ABTB2: variants seen among roughly 807,000 people sequenced by gnomAD.
ABTB2 encodes ankyrin repeat and BTB/POZ domain-containing protein 2.
ABTB2 carries 56 observed loss-of-function variants against 104.1 expected under a neutral mutation model. The observed-to-expected ratio is 0.54, with a 90% CI of 0.43 to 0.67. The LOEUF (loss-of-function observed/expected upper bound fraction) is 0.67, where lower values mean the gene tolerates loss of function less well. Ranked by LOEUF, ABTB2 falls within the 30% of genes least tolerant of loss-of-function variation. The pLI, the probability that ABTB2 is intolerant of heterozygous loss-of-function variation, is 0.00. For missense variants in ABTB2, 1,279 were observed against 1,407.7 expected, an observed-to-expected ratio of 0.91 and a Z score of 1.46; for synonymous variants, 606 against 608.2, an observed-to-expected ratio of 1.00 and a Z score of 0.05.
intron 1 of ABTB2, among the ~76,000 whole-genome samples, chr11:34,209,351 A>C (rs899593082): frequency 5.3e-5 from 8 of 149,862 alleles, no homozygotes; most frequent in East Asian, 2.0e-4. Context: ...CCAAAAAAAA[A>C]CTTTTTTTTT....
At chr11:34,190,329 C>T (rs1038533249) in intron 3 of ABTB2, among the ~76,000 whole-genome samples, 2 of 151,770 alleles carry the variant, frequency 1.3e-5, no homozygotes, top group Non-Finnish European at 2.9e-5. Context: ...CTGAGGCCAC[C>T]CAGCTCGTGA....
At chr11:34,212,267 G>A (rs1472265089) in intron 1 of ABTB2, among the ~76,000 whole-genome samples, 1 of 152,096 alleles carries the variant, frequency 6.6e-6, no homozygotes, top group Non-Finnish European at 1.5e-5. Flanking sequence ...ATGTTGGCCA[G>A]GCTAGCCTCG....
intron 1 of ABTB2, among the ~76,000 whole-genome samples, chr11:34,225,755 CA>C (rs1224220738): frequency 6.6e-6 from 1 of 151,448 alleles, no homozygotes; most frequent in Admixed American, 6.6e-5. Flanking sequence ...AACTCCACCT[CA>C]AAAATAAATA....
At chr11:34,168,122 AGGCTCTGTGCTTCCTGGGCTGCT>A in intron 5 of ABTB2, 130 bp from the exon 6 acceptor site, 1 of 908,910 alleles carries the variant, frequency 1.1e-6, no homozygotes, top group Non-Finnish European at 1.7e-6. Flanking sequence ...GTGGTCCCCC[AGGCTCTGTGCTTCCTGGGCTGCT>A]GGGCACAGGG....
intron 1 of ABTB2, among the ~76,000 whole-genome samples, chr11:34,340,239 G>A (rs72916710): frequency 0.092 from 14,027 of 152,078 alleles, 838 homozygotes; most frequent in Non-Finnish European, 0.13. Context: ...GAGAAAATGC[G>A]AACAATACGT....
chr11:34,294,330 A>G (rs1488317798), intron 1 of ABTB2, among the ~76,000 whole-genome samples: 1 of 152,142 alleles, frequency 6.6e-6, no homozygotes, highest in East Asian at 1.9e-4. Context: ...GACGCTGTCA[A>G]AAAGAAAAGA....
At position 34,356,649 on chromosome 11, in the gene ABTB2, G is replaced by C. The variant is rs1360873233; in HGVS notation, c.883+52C>G. On this transcript the variant is annotated intron_variant, in intron 1 of 16. Transcript: ENST00000435224. This position sits in a 1 kb window ranked among gnomAD's most constrained non-coding sequence, Gnocchi z 4.6. ...GGAAATTCACTCCCCCAGTAGCCCA[G>C]GGCGGGATTTCTTGCCTACCCAGTC... 2.0e-6 allele frequency: 3 copies of C among 1,491,390 alleles called. No homozygotes were observed. Among genetic ancestry groups the C allele is most frequent in the Admixed American group, 2.2e-5 (1 of 45,196 alleles). 92.4% of individuals were successfully genotyped at this position (1,491,390 alleles called of 1,614,324 possible).
intron 1 of ABTB2, chr11:34,335,006 C>T (rs1855176930): frequency 1.8e-6 from 1 of 552,418 alleles, no homozygotes; most frequent in Non-Finnish European, 3.2e-6. Flanking sequence ...TTCATAAATG[C>T]TGAAATAAAT....
chr11:34,270,209 C>T (rs573497093), intron 1 of ABTB2, among the ~76,000 whole-genome samples: 19 of 152,268 alleles, frequency 1.2e-4, no homozygotes, highest in South Asian at 8.3e-4. Context: ...CCTAGCTCCC[C>T]GACCAAGAGG....
rs10529537 is a variant in ABTB2, at chr11:34,214,139, A to AACACACACACACAC, written c.884-9463_884-9450dup. 9.0e-3 allele frequency among the ~76,000 whole-genome samples: 1,248 copies of AACACACACACACAC among 139,238 alleles called. 18 individuals are homozygous for AACACACACACACAC. The highest frequency in any genetic ancestry group is 0.022 in the African/African-American group (785 of 35,468). 91.3% of individuals were successfully genotyped at this position (139,238 alleles called of 152,430 possible). A position where few individuals can be genotyped will look rare whatever the true frequency, so the allele number is the denominator to read the frequency against. ...TTTTCTATTAAGGCAGCACATTCAAAACACACACACACACACACACACACA... is the reference window on the plus strand; with the variant it reads ...TTTTCTATTAAGGCAGCACATTCAAAACACACACACACACACACACACACACACACACACACACA... On this transcript the variant is annotated intron_variant, in intron 1 of 16. Coordinates refer to ENST00000435224, the MANE Select transcript of ABTB2 (RefSeq NM_145804.3).
At chr11:34,321,211 G>GT (rs1315239881) in intron 1 of ABTB2, among the ~76,000 whole-genome samples, 1 of 152,056 alleles carries the variant, frequency 6.6e-6, no homozygotes, top group Non-Finnish European at 1.5e-5. Context: ...AAAAAAAGAT[G>GT]TTTTACTTTG....
chr11:34,308,868 C>CAAAAAAAAAAAAAAAAAA (rs57658114), intron 1 of ABTB2, among the ~76,000 whole-genome samples: 25 of 77,746 alleles, frequency 3.2e-4, no homozygotes, highest in Non-Finnish European at 4.1e-4. Flanking sequence ...GAAACTGTCT[C>CAAAAAAAAAAAAAAAAAA]AAAAAAAAAA....
chr11:34,253,530 G>A (rs1444691322), intron 1 of ABTB2, among the ~76,000 whole-genome samples: 1 of 152,072 alleles, frequency 6.6e-6, no homozygotes, highest in African/African-American at 2.4e-5. Flanking sequence ...ACAAAAATTA[G>A]CCAGGCATGG....
At chr11:34,195,086 A>AGGGG (rs1442576699) in intron 3 of ABTB2, among the ~76,000 whole-genome samples, 1 of 38,066 alleles carries the variant, frequency 2.6e-5, no homozygotes, top group Non-Finnish European at 6.8e-5. Context: ...GGGGGGGGGG[A>AGGGG]GTGGGGGCGG....
chr11:34,252,240 G>A lies in ABTB2; in HGVS notation c.884-47550C>T, dbSNP rs1300755101. The stretch of plus-strand genomic sequence containing the variant: ...TCCATGCCTGGGAAAGCCGTGGCAG[G>A]AGTGACAGCGAGGAGGCCAGATGCA... On this transcript the variant is annotated intron_variant, in intron 1 of 16. Coordinates refer to ENST00000435224, the MANE Select transcript of ABTB2 (RefSeq NM_145804.3). The surrounding 1 kb of genome is among the most constrained non-coding windows in gnomAD (Gnocchi z 5.5). Among the ~76,000 whole-genome samples, 5 of 152,164 alleles carry A rather than the reference G, an allele frequency of 3.3e-5. No individual in the cohort carries two copies. Among genetic ancestry groups the A allele is most frequent in the Non-Finnish European group, 7.4e-5 (5 of 68,012 alleles).
intron 1 of ABTB2, among the ~76,000 whole-genome samples, chr11:34,277,802 T>C (rs867719543): frequency 0.11 from 10,757 of 98,142 alleles, 441 homozygotes; most frequent in Non-Finnish European, 0.13. Context: ...AGATTCTCTT[T>C]TTTTTTTTTT....
At chr11:34,262,600 C>T (rs1241894038) in intron 1 of ABTB2, among the ~76,000 whole-genome samples, 1 of 152,202 alleles carries the variant, frequency 6.6e-6, no homozygotes, top group African/African-American at 2.4e-5. Flanking sequence ...AATCTTTCCC[C>T]AGTGGATTTT....
At chr11:34,340,518 G>C (rs1446711041) in intron 1 of ABTB2, among the ~76,000 whole-genome samples, 1 of 152,158 alleles carries the variant, frequency 6.6e-6, no homozygotes, top group Non-Finnish European at 1.5e-5. Flanking sequence ...ACCAACCCAG[G>C]ACCCAGGTGT....
intron 1 of ABTB2, among the ~76,000 whole-genome samples, chr11:34,261,818 A>G (rs911394187): frequency 6.6e-6 from 1 of 152,190 alleles, no homozygotes; most frequent in Admixed American, 6.5e-5. Flanking sequence ...TTGGTGAATA[A>G]GCTGTATTCT....
Sources: gnomAD v4.1 joint callset for allele counts (sites outside exome capture counted in the v4.1 genomes callset) on GRCh38, gnomAD v4.1.1 for gene constraint, Gnocchi (gnomAD v3.1) non-coding constraint, MANE v1.5 for transcripts, NCBI Gene and HGNC (gene_info 2026-07-23, HGNC 2026-07-21) for gene names.